Variants in XRN1 observed in about 807,000 individuals in gnomAD.
XRN1 encodes the protein 5'-3' exoribonuclease 1.
In XRN1, 67 loss-of-function variants were observed where a neutral mutation model predicts 222.3. That is an observed-to-expected ratio of 0.30 (90% CI 0.25 to 0.37). The LOEUF (loss-of-function observed/expected upper bound fraction) is 0.37. XRN1 is among the 10% of genes least tolerant of loss of function. The pLI is 1.00. For missense variants in XRN1, 1,707 were observed against 2,000.2 expected, an observed-to-expected ratio of 0.85 and a Z score of 2.80; for synonymous variants, 643 against 652.4, an observed-to-expected ratio of 0.99 and a Z score of 0.22.
intron 20 of XRN1, among the ~76,000 whole-genome samples, chr3:142,388,627 T>C (rs529776210): frequency 2.4e-4 from 36 of 152,298 alleles, no homozygotes; most frequent in Non-Finnish European, 4.9e-4. Flanking sequence ...CCGATGAAGG[T>C]TGGGATGGCT....
intron 2 of XRN1, among the ~76,000 whole-genome samples, chr3:142,432,170 T>C (rs892876362): frequency 4.8e-5 from 6 of 124,544 alleles, no homozygotes; most frequent in Non-Finnish European, 9.9e-5. Flanking sequence ...TATATAAATA[T>C]ATAAAATGTT....
chr3:142,406,579 C>T (rs1288390904), intron 15 of XRN1, among the ~76,000 whole-genome samples: 2 of 152,108 alleles, frequency 1.3e-5, no homozygotes, highest in African/African-American at 2.4e-5. Flanking sequence ...CATGCTGGAG[C>T]GCAGTGAGGC....
intron 37 of XRN1, among the ~76,000 whole-genome samples, chr3:142,326,975 CATGATGAATTATCT>C (rs1218459194): frequency 1.3e-5 from 2 of 152,150 alleles, no homozygotes; most frequent in African/African-American, 2.4e-5. Flanking sequence ...CCCACTTGAT[CATGATGAATTATCT>C]TTTTAATGTG....
chr3:142,415,033 C>A (rs761253414), intron 13 of XRN1, among the ~76,000 whole-genome samples: 5 of 152,176 alleles, frequency 3.3e-5, no homozygotes, highest in Middle Eastern at 3.4e-3. Context: ...TAAAAGCTCA[C>A]AAGGAGAGGA....
chr3:142,417,569 G>A (rs1031985509), intron 12 of XRN1, among the ~76,000 whole-genome samples: 17 of 152,256 alleles, frequency 1.1e-4, no homozygotes, highest in African/African-American at 2.6e-4. Context: ...GGGGTGAGAC[G>A]GGAGAAAGGG....
intron 27 of XRN1, among the ~76,000 whole-genome samples, chr3:142,367,184 G>A (rs2066843234): frequency 6.6e-6 from 1 of 152,136 alleles, no homozygotes; most frequent in South Asian, 2.1e-4. Flanking sequence ...CTACTCAGGA[G>A]GCTGAGGCAG....
At chr3:142,390,472 T>C (rs569554813) in intron 20 of XRN1, among the ~76,000 whole-genome samples, 2 of 152,236 alleles carry the variant, frequency 1.3e-5, no homozygotes, top group African/African-American at 4.8e-5. Context: ...TTAAACTTCA[T>C]GAACCAACCT....
chr3:142,387,769 C>G (rs1196976046), intron 20 of XRN1, among the ~76,000 whole-genome samples: 1 of 152,086 alleles, frequency 6.6e-6, no homozygotes, highest in African/African-American at 2.4e-5. Flanking sequence ...TGGGGTGGAT[C>G]CTTCATAAAT....
At position 142,422,579 on chromosome 3, in the gene XRN1, T is replaced by C. The variant is rs2069082993; in HGVS notation, c.967+3A>G. The C allele has an allele frequency of 6.2e-7, 1 of 1,612,140 alleles. No individual in the cohort carries two copies. The highest frequency in any genetic ancestry group is 1.1e-5 in the South Asian group (1 of 90,776). ...CCTCGAGAGATTATTAAATTCTTCT[T>C]ACCCCCAAGTTCTGGCAGGATGGTA... is the stretch of plus-strand genomic sequence containing the variant. On this transcript the variant is annotated splice_donor_region_variant and intron_variant, in intron 8 of 40. Coordinates refer to ENST00000392981, the MANE Select transcript of XRN1 (RefSeq NM_001282857.2).
chr3:142,312,567 A>G, intron 40 of XRN1, 31 bp downstream of exon 40: 1 of 1,497,414 alleles, frequency 6.7e-7, no homozygotes, highest in East Asian at 2.5e-5. Flanking sequence ...CATTAAACAA[A>G]TAATTATCTT....
At chr3:142,343,868 T>C (rs1560308529) in intron 33 of XRN1, among the ~76,000 whole-genome samples, 1 of 152,024 alleles carries the variant, frequency 6.6e-6, no homozygotes, top group Non-Finnish European at 1.5e-5. Context: ...ATAAAGAAAA[T>C]GTGGTACATA....
intron 23 of XRN1, 113 bp downstream of exon 23, chr3:142,379,969 T>A: frequency 1.3e-6 from 1 of 794,694 alleles, no homozygotes; most frequent in Non-Finnish European, 1.9e-6. Context: ...AGAGAGAATC[T>A]AATCATTATT....
intron 1 of XRN1, among the ~76,000 whole-genome samples, chr3:142,441,221 G>C (rs563646562): frequency 6.6e-6 from 1 of 152,308 alleles, no homozygotes; most frequent in Admixed American, 6.5e-5. Context: ...CAACTAAGAG[G>C]GTTCCTTGGC....
At chr3:142,368,766 A>G (rs758880031) in intron 27 of XRN1, among the ~76,000 whole-genome samples, 1 of 152,212 alleles carries the variant, frequency 6.6e-6, no homozygotes, top group Non-Finnish European at 1.5e-5. Context: ...ATTTTTTCCT[A>G]AAGAGAAAAA....
chr3:142,430,329 C>A (rs114846464), intron 2 of XRN1, among the ~76,000 whole-genome samples: 2,208 of 152,252 alleles, frequency 0.015, 25 homozygotes, highest in Non-Finnish European at 0.024. Context: ...TGAACCCAGA[C>A]TGATGTAGTA....
chr3:142,392,649 T>A (rs2067774087), intron 20 of XRN1, among the ~76,000 whole-genome samples: 1 of 151,538 alleles, frequency 6.6e-6, no homozygotes, highest in East Asian at 2.0e-4. Context: ...ACAAAGGACA[T>A]GAACTCATCA....
At chr3:142,351,176 T>C (rs1056363334) in intron 32 of XRN1, among the ~76,000 whole-genome samples, 2 of 152,162 alleles carry the variant, frequency 1.3e-5, no homozygotes, top group Non-Finnish European at 2.9e-5. Context: ...TATCTATCTA[T>C]GGAAATGGGT....
intron 37 of XRN1, among the ~76,000 whole-genome samples, chr3:142,323,283 G>GTT (rs570184478): frequency 1.4e-5 from 2 of 145,182 alleles, no homozygotes. Context: ...CACTCTTAAG[G>GTT]TTTTTTTTTT....
chr3:142,413,803 T>A (rs996133065), intron 14 of XRN1, among the ~76,000 whole-genome samples: 3 of 152,206 alleles, frequency 2.0e-5, no homozygotes, highest in Admixed American at 2.0e-4. Context: ...GAGAAATGAA[T>A]CTATAAATGT....
Sources: allele counts gnomAD v4.1 joint callset (sites outside exome capture counted in the v4.1 genomes callset), GRCh38; gene constraint gnomAD v4.1.1; transcripts MANE v1.5; gene names NCBI Gene and HGNC (gene_info 2026-07-23, HGNC 2026-07-21).